ATF7: variants seen among roughly 807,000 people sequenced by gnomAD.
ATF7 encodes the protein cyclic AMP-dependent transcription factor ATF-7.
A neutral mutation model predicts 50.4 loss-of-function variants in ATF7; 10 were observed. That is an observed-to-expected ratio of 0.20 (90% CI 0.12 to 0.34). The LOEUF is 0.34. Ranked by LOEUF, ATF7 falls within the 10% of genes least tolerant of loss-of-function variation. ATF7 has a pLI of 1.00. For synonymous variants in ATF7, 201 were observed against 226.4 expected, an observed-to-expected ratio of 0.89 and a Z score of 1.01; for missense variants, 465 against 613.9, an observed-to-expected ratio of 0.76 and a Z score of 2.56.
intron 9 of ATF7, among the ~76,000 whole-genome samples, chr12:53,530,575 T>A (rs7315185): frequency 0.13 from 19,700 of 151,816 alleles, 1,365 homozygotes; most frequent in African/African-American, 0.15. Context: ...TATATTTTTT[T>A]ATTTTTATTT....
chr12:53,589,317 A>G (rs557834893), intron 2 of ATF7, among the ~76,000 whole-genome samples: 1 of 152,312 alleles, frequency 6.6e-6, no homozygotes, highest in East Asian at 1.9e-4. Flanking sequence ...ATATCCCTGT[A>G]AAGTACTTTG....
At position 53,571,911 on chromosome 12, in the gene ATF7, A is replaced by G. The variant is rs1456131725; in HGVS notation, c.49-19274T>C. On this transcript the variant is annotated intron_variant, in intron 2 of 11. Transcript: ENST00000420353. Reference sequence around the variant, plus strand: ...GCGAAACCCGGTCTCTACTAAACATACAAAAATTAGCTGGGTGTGGTGGCG... The same window carrying G: ...GCGAAACCCGGTCTCTACTAAACATGCAAAAATTAGCTGGGTGTGGTGGCG... Among the ~76,000 whole-genome samples, 4 of 152,144 alleles carry G rather than the reference A, an allele frequency of 2.6e-5. No individual in the cohort carries two copies. In the East Asian group the frequency reaches 7.7e-4, roughly 29 times the overall value.
At chr12:53,585,515 G>A (rs921728782) in intron 2 of ATF7, among the ~76,000 whole-genome samples, 1 of 151,934 alleles carries the variant, frequency 6.6e-6, no homozygotes, top group African/African-American at 2.4e-5. Flanking sequence ...AAAAAAAATA[G>A]TTTCTTAATT....
chr12:53,600,799 T>C (rs955642873), intron 2 of ATF7, 154 bp downstream of exon 2: 38 of 667,510 alleles, frequency 5.7e-5, no homozygotes, highest in Non-Finnish European at 9.7e-5. Flanking sequence ...TGCCTACACT[T>C]CCTCATAACT....
intron 9 of ATF7, among the ~76,000 whole-genome samples, chr12:53,530,108 G>A (rs1938777361): frequency 6.6e-6 from 1 of 152,164 alleles, no homozygotes; most frequent in Admixed American, 6.6e-5. Flanking sequence ...ATTTCCCCAA[G>A]AGAGAAGGCA....
chr12:53,626,018 G>A (rs1214892081), intron 1 of ATF7: 1 of 152,262 alleles, frequency 6.6e-6, no homozygotes, highest in Non-Finnish European at 1.5e-5. Flanking sequence ...GCGGGAGTAG[G>A]GAGAGAAGGG....
chr12:53,611,402 G>A (rs886303316), intron 1 of ATF7, among the ~76,000 whole-genome samples: 16 of 152,148 alleles, frequency 1.1e-4, no homozygotes, highest in Non-Finnish European at 1.6e-4. Flanking sequence ...GCAGTGGGCC[G>A]AGATCACGCC....
intron 2 of ATF7, among the ~76,000 whole-genome samples, chr12:53,589,240 G>A (rs749098479): frequency 3.3e-5 from 5 of 152,182 alleles, no homozygotes; most frequent in Non-Finnish European, 7.3e-5. Context: ...CCCTGTACAA[G>A]TTAGTTCTCT....
At chr12:53,541,325 T>C (rs984919625) in intron 4 of ATF7, among the ~76,000 whole-genome samples, 1 of 152,178 alleles carries the variant, frequency 6.6e-6, no homozygotes, top group Non-Finnish European at 1.5e-5. Context: ...GAGGTTAATG[T>C]GTTTATATAT....
chr12:53,609,237 C>T (rs745956266), intron 1 of ATF7, among the ~76,000 whole-genome samples: 6 of 151,826 alleles, frequency 4.0e-5, no homozygotes, highest in Non-Finnish European at 7.4e-5. Context: ...TCACCACAAC[C>T]TCTGCCTTCC....
chr12:53,614,732 A>T (rs1479240759), intron 1 of ATF7, among the ~76,000 whole-genome samples: 1 of 152,230 alleles, frequency 6.6e-6, no homozygotes, highest in African/African-American at 2.4e-5. Flanking sequence ...CTAAACATGT[A>T]AGTGTAAAGT....
At chr12:53,556,112 A>C (rs570498656) in intron 2 of ATF7, among the ~76,000 whole-genome samples, 40 of 152,344 alleles carry the variant, frequency 2.6e-4, no homozygotes, top group African/African-American at 9.6e-4. Flanking sequence ...CACTGCACCC[A>C]GCCAAAAAAT....
chr12:53,597,923 G>A (rs550713389), intron 2 of ATF7, among the ~76,000 whole-genome samples: 11 of 151,972 alleles, frequency 7.2e-5, no homozygotes, highest in Admixed American at 2.6e-4. Context: ...TCTAAACCAC[G>A]TCTTGCAAAA....
At chr12:53,600,775 T>C (rs1943365073) in intron 2 of ATF7, 178 bp downstream of exon 2, 4 of 566,752 alleles carry the variant, frequency 7.1e-6, no homozygotes, top group Non-Finnish European at 9.4e-6. Flanking sequence ...AAGGCAGATT[T>C]CATTACGGTA....
chr12:53,523,938 AAAT>A (rs1443807882), intron 10 of ATF7, among the ~76,000 whole-genome samples: 3 of 152,206 alleles, frequency 2.0e-5, no homozygotes, highest in African/African-American at 7.2e-5. Context: ...CAAGAACTAT[AAAT>A]AAAAAATATT....
At chr12:53,611,298 G>A (rs546755782) in intron 1 of ATF7, among the ~76,000 whole-genome samples, 10 of 152,054 alleles carry the variant, frequency 6.6e-5, no homozygotes, top group Admixed American at 2.6e-4. Flanking sequence ...GTGAAACCCC[G>A]TCTCTACCAA....
At chr12:53,595,220 T>C (rs1222422169) in intron 2 of ATF7, among the ~76,000 whole-genome samples, 3 of 152,204 alleles carry the variant, frequency 2.0e-5, no homozygotes, top group Non-Finnish European at 2.9e-5. Flanking sequence ...TTGCCTGAAA[T>C]TGCCTTCACC....
At chr12:53,562,339 C>T (rs1941176404) in intron 2 of ATF7, among the ~76,000 whole-genome samples, 1 of 152,156 alleles carries the variant, frequency 6.6e-6, no homozygotes, top group African/African-American at 2.4e-5. Flanking sequence ...CCCCAACCTA[C>T]AAAACTTTTG....
At chr12:53,599,935 A>G (rs1461939183) in intron 2 of ATF7, among the ~76,000 whole-genome samples, 1 of 152,186 alleles carries the variant, frequency 6.6e-6, no homozygotes, top group Non-Finnish European at 1.5e-5. Flanking sequence ...AAGAAGAGTT[A>G]AGAAGATGCA....
Sources: gnomAD v4.1 joint callset for allele counts (sites outside exome capture counted in the v4.1 genomes callset) on GRCh38, gnomAD v4.1.1 for gene constraint, MANE v1.5 for transcripts, NCBI Gene and HGNC (gene_info 2026-07-23, HGNC 2026-07-21) for gene names.